ADAMTS2: variants seen among roughly 807,000 people sequenced by gnomAD.
ADAMTS2 encodes the protein A disintegrin and metalloproteinase with thrombospondin motifs 2.
A neutral mutation model predicts 123.0 loss-of-function variants in ADAMTS2; 50 were observed. That is an observed-to-expected ratio of 0.41 (90% CI 0.32 to 0.51). The LOEUF (loss-of-function observed/expected upper bound fraction) is 0.51. Among genes scored for constraint, ADAMTS2 ranks in the 20% least tolerant of loss-of-function variants. The probability of loss-of-function intolerance (pLI) is 0.35; values close to 1 mark genes in which losing one functional copy is unlikely to be tolerated. For synonymous variants in ADAMTS2, 678 were observed against 695.4 expected (o/e 0.98, Z 0.39); for missense variants, 1,494 against 1,705.2 (o/e 0.88, Z 2.18).
At position 179,260,158 on chromosome 5, in the gene ADAMTS2, C is replaced by A. The variant is rs1222472002; in HGVS notation, c.688+12753G>T. Reference sequence around the variant, plus strand: ...CCATGGGACCAGTAGCCACCCACAGCTGCCAACCTGAGTCTGCAGCCCTGA... The same window carrying A: ...CCATGGGACCAGTAGCCACCCACAGATGCCAACCTGAGTCTGCAGCCCTGA... On this transcript the variant is annotated intron_variant, in intron 3 of 21. Coordinates refer to ENST00000251582, the MANE Select transcript of ADAMTS2 (RefSeq NM_014244.5). This position sits in a 1 kb window ranked among gnomAD's most constrained non-coding sequence, Gnocchi z 4.2. Among the ~76,000 whole-genome samples, 1 of 152,172 alleles carries A rather than the reference C, an allele frequency of 6.6e-6. No homozygotes were observed. The highest frequency in any genetic ancestry group is 1.5e-5 in the Non-Finnish European group (1 of 68,032).
At chr5:179,295,440 T>A (rs1756302307) in intron 2 of ADAMTS2, among the ~76,000 whole-genome samples, 1 of 152,222 alleles carries the variant, frequency 6.6e-6, no homozygotes, top group South Asian at 2.1e-4. Context: ...TCCCTCGTCC[T>A]GCCCGCAGCT....
At chr5:179,223,527 C>CGA (rs1554131694) in intron 3 of ADAMTS2, among the ~76,000 whole-genome samples, 11 of 147,070 alleles carry the variant, frequency 7.5e-5, no homozygotes, top group South Asian at 4.3e-4. Context: ...CACTCACACA[C>CGA]ATGCACTCAC....
At chr5:179,196,306 G>A (rs781107860) in intron 4 of ADAMTS2, among the ~76,000 whole-genome samples, 1 of 152,194 alleles carries the variant, frequency 6.6e-6, no homozygotes, top group Non-Finnish European at 1.5e-5. Context: ...TGCTGGGAGG[G>A]GTCAAAGGTT....
rs1762917398 is a variant in ADAMTS2, at chr5:179,129,222, G to C, written c.2457+710C>G. 6.6e-6 allele frequency among the ~76,000 whole-genome samples: 1 copy of C among 152,152 alleles called. No individual in the cohort carries two copies. Among genetic ancestry groups the C allele is most frequent in the Non-Finnish European group, 1.5e-5 (1 of 68,032 alleles). Reference sequence around the variant, plus strand: ...AAGTCACTGCAGGCGAGGCAGGCAGGGTGCCAGGGGGTACACGGGGCATAC... The same window carrying C: ...AAGTCACTGCAGGCGAGGCAGGCAGCGTGCCAGGGGGTACACGGGGCATAC... On this transcript the variant is annotated intron_variant, in intron 16 of 21. Transcript: ENST00000251582. This position sits in a 1 kb window ranked among gnomAD's most constrained non-coding sequence, Gnocchi z 4.1.
intron 2 of ADAMTS2, among the ~76,000 whole-genome samples, chr5:179,336,908 G>C (rs1757628621): frequency 6.6e-6 from 1 of 152,200 alleles, no homozygotes; most frequent in Admixed American, 6.5e-5. Context: ...ATGGCGTAGA[G>C]CCTGCCTGGC....
intron 5 of ADAMTS2, among the ~76,000 whole-genome samples, chr5:179,164,089 C>T (rs566159449): frequency 1.3e-3 from 195 of 152,302 alleles, no homozygotes; most frequent in African/African-American, 4.5e-3. Flanking sequence ...TGTCCGGGCA[C>T]CCCAGGACTC....
In ADAMTS2 at chr5:179,221,709, C is replaced by G. The variant is rs77838301; in HGVS notation, c.689-13994G>C. Among the ~76,000 whole-genome samples, 6 of 152,216 alleles carry G rather than the reference C, an allele frequency of 3.9e-5. No homozygotes were observed. The East Asian group carries it at 9.7e-4, about 25-fold the overall frequency. On this transcript the variant is annotated intron_variant, in intron 3 of 21. Transcript: ENST00000251582. ...CAGCAGCCAGGCTCCCTGGATCTGC[C>G]CAGAGAAGAGCCCCCCGCAGAGGTG...
At chr5:179,310,393 C>T (rs1044115726) in intron 2 of ADAMTS2, among the ~76,000 whole-genome samples, 5 of 152,204 alleles carry the variant, frequency 3.3e-5, no homozygotes, top group East Asian at 1.9e-4. Flanking sequence ...CAAGCCTTTC[C>T]GAAGCCCCCC....
At chr5:179,297,379 C>T (rs1453003610) in intron 2 of ADAMTS2, among the ~76,000 whole-genome samples, 1 of 151,958 alleles carries the variant, frequency 6.6e-6, no homozygotes, top group Non-Finnish European at 1.5e-5. Context: ...CGTAGCCTCC[C>T]ACCCCACCTG....
intron 12 of ADAMTS2, among the ~76,000 whole-genome samples, chr5:179,137,269 CA>C (rs1345412828): frequency 6.6e-6 from 1 of 152,202 alleles, no homozygotes; most frequent in Non-Finnish European, 1.5e-5. Flanking sequence ...AGCTGCCACA[CA>C]AGCACTGCCA....
intron 3 of ADAMTS2, among the ~76,000 whole-genome samples, chr5:179,230,534 A>G (rs1391754013): frequency 2.6e-5 from 4 of 152,110 alleles, no homozygotes; most frequent in Non-Finnish European, 5.9e-5. Context: ...AGAGACGGTG[A>G]GACTTGGGGA....
rs143789107 is a variant in ADAMTS2 at position 179,250,996 on chromosome 5, C to T, written c.688+21915G>A. 8.6e-4 allele frequency among the ~76,000 whole-genome samples: 131 copies of T among 152,332 alleles called. 2 individuals carry two copies. The highest frequency in any genetic ancestry group is 6.8e-3 in the Middle Eastern group (2 of 294). ...TAGGGAAGGAGAAAGACCTCTTCAGCTTGTCCTGCCTCGGCAAAGGCAAAG... is the reference window on the plus strand; with the variant it reads ...TAGGGAAGGAGAAAGACCTCTTCAGTTTGTCCTGCCTCGGCAAAGGCAAAG... On this transcript the variant is annotated intron_variant, in intron 3 of 21. Transcript: ENST00000251582.
intron 5 of ADAMTS2, among the ~76,000 whole-genome samples, chr5:179,160,449 TCAAAA>T (rs1561783799): frequency 6.6e-6 from 1 of 152,164 alleles, no homozygotes; most frequent in Non-Finnish European, 1.5e-5. Flanking sequence ...AGACTCCGTC[TCAAAA>T]CAAAACAAAA....
chr5:179,256,517 C>G lies in ADAMTS2; in HGVS notation c.688+16394G>C, dbSNP rs555874098. ...TGCTCTGACCATGGGTGTGTGCATG[C>G]CTGCGTGTGTGTGAGAGAGAGAGAG... On this transcript the variant is annotated intron_variant, in intron 3 of 21. Coordinates refer to ENST00000251582, the MANE Select transcript of ADAMTS2 (RefSeq NM_014244.5). The surrounding 1 kb of genome is among the most constrained non-coding windows in gnomAD (Gnocchi z 4.1). 7.3e-6 allele frequency among the ~76,000 whole-genome samples: 1 copy of G among 137,154 alleles called. No individual in the cohort carries two copies. Among genetic ancestry groups the G allele is most frequent in the South Asian group, 2.3e-4 (1 of 4,390 alleles). The allele number at this position is 137,154 out of a possible 152,430, so 90.0% of individuals were successfully genotyped here. A position where few individuals can be genotyped will look rare whatever the true frequency, so the allele number is the denominator to read the frequency against.
chr5:179,234,909 T>G lies in ADAMTS2; in HGVS notation c.689-27194A>C, dbSNP rs1275334467. On this transcript the variant is annotated intron_variant, in intron 3 of 21. Coordinates refer to ENST00000251582, the MANE Select transcript of ADAMTS2 (RefSeq NM_014244.5). The surrounding 1 kb of genome is among the most constrained non-coding windows in gnomAD (Gnocchi z 4.7). Reference sequence around the variant, plus strand: ...CAAGCCTAGCAGACCCGTGCGGGAGTGCGAGCACACTGGCTAGGGCCTCCT... The same window carrying G: ...CAAGCCTAGCAGACCCGTGCGGGAGGGCGAGCACACTGGCTAGGGCCTCCT... Among the ~76,000 whole-genome samples the G allele has an allele frequency of 1.3e-5, 2 of 152,002 alleles. No homozygotes were observed. The highest frequency in any genetic ancestry group is 1.3e-4 in the Admixed American group (2 of 15,272).
Position 179,189,510 on chromosome 5 carries a change from G to GCTTTTTTTTTTTTTTTTTTT in ADAMTS2, c.892-8356_892-8355insAAAAAAAAAAAAAAAAAAAG, listed in dbSNP as rs1554128903. ...CTACAGGCGCCCGCCAGTGCGCCTG[G>GCTTTTTTTTTTTTTTTTTTT]TTTTTTTTTTTTTTTTTTTTTTTTT... On this transcript the variant is annotated intron_variant, in intron 4 of 21. Transcript: ENST00000251582. The surrounding 1 kb of genome is among the most constrained non-coding windows in gnomAD (Gnocchi z 4.2). 3.8e-5 allele frequency among the ~76,000 whole-genome samples: 3 copies of GCTTTTTTTTTTTTTTTTTTT among 78,950 alleles called. 1 individual carries two copies. Among genetic ancestry groups the GCTTTTTTTTTTTTTTTTTTT allele is most frequent in the African/African-American group, 8.9e-5 (2 of 22,366 alleles). The allele number at this position is 78,950 out of a possible 152,430, so 51.8% of individuals were successfully genotyped here.
Position 179,254,004 on chromosome 5 carries a change from G to C in ADAMTS2, c.688+18907C>G, listed in dbSNP as rs1372969240. Among the ~76,000 whole-genome samples, 4 of 152,176 alleles carry C rather than the reference G, an allele frequency of 2.6e-5. No homozygotes were observed. The East Asian group carries it at 7.7e-4, about 29-fold the overall frequency. On this transcript the variant is annotated intron_variant, in intron 3 of 21. Transcript: ENST00000251582. ...GCCCCCTCTAATATATGCCATCCCA[G>C]GGCGGGGCAGCAGGGCACAAGGCCA...
Position 179,128,234 on chromosome 5 carries a change from T to A in ADAMTS2, c.2458-116A>T. On this transcript the variant is annotated intron_variant, in intron 16 of 21. Coordinates refer to ENST00000251582, the MANE Select transcript of ADAMTS2 (RefSeq NM_014244.5). The surrounding 1 kb of genome is among the most constrained non-coding windows in gnomAD (Gnocchi z 4.9). ...GAGGAGTCTCATCATTCATGGCAGTTACATTCCATGAAGTCGCCCCGAGCA... is the reference window on the plus strand; with the variant it reads ...GAGGAGTCTCATCATTCATGGCAGTAACATTCCATGAAGTCGCCCCGAGCA... 3.0e-6 allele frequency: 4 copies of A among 1,337,414 alleles called. No homozygotes were observed. Among genetic ancestry groups the A allele is most frequent in the Non-Finnish European group, 4.2e-6 (4 of 959,084 alleles). The allele number at this position is 1,337,414 out of a possible 1,614,324, so 82.8% of individuals were successfully genotyped here. A position where few individuals can be genotyped will look rare whatever the true frequency, so the allele number is the denominator to read the frequency against.
intron 4 of ADAMTS2, among the ~76,000 whole-genome samples, chr5:179,198,959 T>G (rs1403481562): frequency 6.6e-6 from 1 of 151,910 alleles, no homozygotes; most frequent in Non-Finnish European, 1.5e-5. Flanking sequence ...CGCCTGGGCC[T>G]CAGAGGTGTG....
Sources: gnomAD v4.1 joint callset for allele counts (sites outside exome capture counted in the v4.1 genomes callset) on GRCh38, gnomAD v4.1.1 for gene constraint, Gnocchi (gnomAD v3.1) non-coding constraint, MANE v1.5 for transcripts, NCBI Gene and HGNC (gene_info 2026-07-23, HGNC 2026-07-21) for gene names.